The following OSBPL11 variants were observed in gnomAD, a reference collection of about 807,000 sequenced individuals.
The protein encoded by OSBPL11 is oxysterol-binding protein-related protein 11.
In OSBPL11, 33 loss-of-function variants were observed where a neutral mutation model predicts 84.4. The observed-to-expected ratio is 0.39, with a 90% CI of 0.30 to 0.52. The LOEUF (loss-of-function observed/expected upper bound fraction) is 0.52. OSBPL11 is among the 20% of genes least tolerant of loss of function. OSBPL11 has a pLI of 0.72. For missense variants in OSBPL11, 736 were observed against 901.1 expected (o/e 0.82, Z 2.35); for synonymous variants, 276 against 310.2 (o/e 0.89, Z 1.16).
chr3:125,587,586 G>A (rs547432123), intron 1 of OSBPL11, among the ~76,000 whole-genome samples: 6 of 152,336 alleles, frequency 3.9e-5, no homozygotes, highest in African/African-American at 1.2e-4. Flanking sequence ...GAACAACTGA[G>A]TAGTGGGAAG....
chr3:125,570,001 T>TTA (rs1408483497), intron 5 of OSBPL11, among the ~76,000 whole-genome samples: 1 of 152,152 alleles, frequency 6.6e-6, no homozygotes, highest in African/African-American at 2.4e-5. Context: ...AGAGGCACAC[T>TTA]TATAATTTGT....
chr3:125,533,060 G>C (rs1935585160), intron 11 of OSBPL11, among the ~76,000 whole-genome samples: 1 of 152,008 alleles, frequency 6.6e-6, no homozygotes. Context: ...GAACAAGAGA[G>C]ATCTTACGGT....
rs1935925621 is a variant in OSBPL11, at chr3:125,552,388, T to C, written c.1447A>G (p.Asn483Asp). Reference protein sequence around the residue: ...FSSSSTQGVTNHAPLSGESLT... With the variant: ...FSSSSTQGVTDHAPLSGESLT... Reference sequence around the variant, plus strand: ...GACTCCCCCGATAAAGGAGCATGATTTGTGACTCCCTGGGTGGAAGAACTG... The same window carrying C: ...GACTCCCCCGATAAAGGAGCATGATCTGTGACTCCCTGGGTGGAAGAACTG... The change falls in exon 9 of 13, where the codon AAT becomes GAT. Residue 483 changes from asparagine (N) to aspartate (D), a missense_variant. Asn to Asp is a conservative substitution (Grantham distance 23). Around this residue, in one of 3 missense-constraint regions of OSBPL11, gnomAD observed 579 missense variants for 717.6 expected, o/e 0.81. Transcript: ENST00000296220. 1.2e-6 allele frequency: 2 copies of C among 1,614,134 alleles called. No homozygotes were observed. Among genetic ancestry groups the C allele is most frequent in the East Asian group, 2.2e-5 (1 of 44,876 alleles).
At chr3:125,589,631 A>G (rs1413472035) in intron 1 of OSBPL11, among the ~76,000 whole-genome samples, 1 of 152,024 alleles carries the variant, frequency 6.6e-6, no homozygotes, top group East Asian at 1.9e-4. Flanking sequence ...AAAAAAAAAA[A>G]AGCAGACATT....
At chr3:125,593,288 G>A (rs1035706141) in intron 1 of OSBPL11, among the ~76,000 whole-genome samples, 7 of 152,046 alleles carry the variant, frequency 4.6e-5, no homozygotes, top group Non-Finnish European at 1.0e-4. Context: ...CAAACTAACT[G>A]AATATATCTT....
In OSBPL11 at chr3:125,547,411, C is replaced by T; in HGVS notation, c.1836G>A (p.Leu612=). The T allele has an allele frequency of 6.2e-7, 1 of 1,612,052 alleles. No individual in the cohort carries two copies. Among genetic ancestry groups the T allele is most frequent in the Non-Finnish European group, 8.5e-7 (1 of 1,179,118 alleles). ...FHTKPFYGGK[L]HRVTAEVKHN... ...AATCATTAAAATGTTCTTACCGATG[C>T]AGTTTGCCACCATAAAATGGCTTGG... Residue 612 remains leucine, a synonymous_variant, in exon 10 of 13, where the codon CTG becomes CTA. Transcript: ENST00000296220.
intron 11 of OSBPL11, among the ~76,000 whole-genome samples, chr3:125,535,440 T>C (rs1406625761): frequency 2.1e-5 from 1 of 47,604 alleles, no homozygotes; most frequent in South Asian, 6.9e-4. Context: ...CAGAAGCATC[T>C]TTTTTTTTTT....
chr3:125,586,650 G>T (rs4632498), intron 1 of OSBPL11, among the ~76,000 whole-genome samples: 10,576 of 151,860 alleles, frequency 0.07, 495 homozygotes, highest in Non-Finnish European at 0.1. Context: ...GTAGCTGGGA[G>T]TACAGGTGCG....
chr3:125,580,061 C>T, intron 2 of OSBPL11, 21 bp from the exon 3 acceptor site: 1 of 1,594,128 alleles, frequency 6.3e-7, no homozygotes, highest in Non-Finnish European at 8.5e-7. Flanking sequence ...TTTTTAAAAT[C>T]CATAATTTGT....
chr3:125,550,724 TTTTG>T (rs1484367696), intron 9 of OSBPL11, among the ~76,000 whole-genome samples: 1 of 152,208 alleles, frequency 6.6e-6, no homozygotes, highest in Non-Finnish European at 1.5e-5. Context: ...CTGTGGAGAT[TTTTG>T]TTTTTGTTTC....
chr3:125,551,782 A>C (rs1935912774), intron 9 of OSBPL11, among the ~76,000 whole-genome samples: 2 of 152,184 alleles, frequency 1.3e-5, no homozygotes. Flanking sequence ...CATCTCAAAA[A>C]AAAGAAAAGA....
intron 1 of OSBPL11, among the ~76,000 whole-genome samples, chr3:125,592,965 G>A (rs149833349): frequency 1.6e-4 from 25 of 152,112 alleles, no homozygotes; most frequent in African/African-American, 5.8e-4. Flanking sequence ...TTTTTTAGAT[G>A]TGACACAAAA....
chr3:125,576,830 T>C (rs1378413711), intron 4 of OSBPL11, among the ~76,000 whole-genome samples: 1 of 152,198 alleles, frequency 6.6e-6, no homozygotes, highest in Non-Finnish European at 1.5e-5. Context: ...ATTACAGGCA[T>C]GCACCACCAT....
chr3:125,571,598 C>G (rs1936243553), intron 5 of OSBPL11, among the ~76,000 whole-genome samples: 1 of 151,840 alleles, frequency 6.6e-6, no homozygotes, highest in Non-Finnish European at 1.5e-5. Context: ...GCCCTGTGTC[C>G]CAGGTGCTCC....
chr3:125,557,782 T>C (rs1385908016), intron 8 of OSBPL11, among the ~76,000 whole-genome samples: 1 of 147,068 alleles, frequency 6.8e-6, no homozygotes, highest in South Asian at 2.1e-4. Flanking sequence ...GTGTAACACA[T>C]ACAACTTTCT....
chr3:125,577,323 G>C (rs977582078), intron 4 of OSBPL11, among the ~76,000 whole-genome samples: 1 of 152,002 alleles, frequency 6.6e-6, no homozygotes, highest in Non-Finnish European at 1.5e-5. Context: ...CAAGTAATGA[G>C]ACTCTCCTTT....
intron 3 of OSBPL11, 126 bp from the exon 4 acceptor site, chr3:125,579,165 C>T (rs1023931455): frequency 8.9e-6 from 5 of 560,036 alleles, no homozygotes; most frequent in Admixed American, 4.0e-5. Flanking sequence ...GCAAACTTCC[C>T]TGACTGGAGG....
chr3:125,545,958 A>T (rs1223712618), intron 10 of OSBPL11, among the ~76,000 whole-genome samples: 1 of 152,132 alleles, frequency 6.6e-6, no homozygotes, highest in Non-Finnish European at 1.5e-5. Context: ...AGAAGACCTT[A>T]GTTACAATAA....
chr3:125,550,040 G>A (rs749620836), intron 9 of OSBPL11, among the ~76,000 whole-genome samples: 16 of 152,112 alleles, frequency 1.1e-4, no homozygotes, highest in Non-Finnish European at 2.1e-4. Context: ...CGGAGCTTAT[G>A]ATGGAGGGTA....
Sources: gnomAD v4.1 joint callset for allele counts (sites outside exome capture counted in the v4.1 genomes callset) on GRCh38, gnomAD v4.1.1 for gene constraint, gnomAD v4.1.1 regional missense constraint, MANE v1.5 for transcripts, NCBI Gene and HGNC (gene_info 2026-07-23, HGNC 2026-07-21) for gene names.